The following EPHA6 variants were observed in gnomAD, a reference collection of about 807,000 sequenced individuals.
EPHA6 encodes the protein EPH receptor A6.
Under a neutral mutation model 112.0 loss-of-function variants are expected in EPHA6, and 50 were observed. The observed-to-expected ratio is 0.45, with a 90% CI of 0.36 to 0.56. The LOEUF is 0.56. EPHA6 is among the 20% of genes least tolerant of loss of function. The pLI, the probability that EPHA6 is intolerant of heterozygous loss-of-function variation, is 0.00. For synonymous variants in EPHA6, 529 were observed against 490.7 expected (o/e 1.08, Z -1.03); for missense variants, 1,280 against 1,417.4 (o/e 0.90, Z 1.56).
chr3:97,244,776 A>C (rs2078939810), intron 5 of EPHA6: 1 of 156,328 alleles, frequency 6.4e-6, no homozygotes, highest in Non-Finnish European at 1.4e-5. Context: ...AAATTTAGAA[A>C]TGTGTTCAAA....
intron 5 of EPHA6, among the ~76,000 whole-genome samples, chr3:97,354,114 G>T (rs186896843): frequency 2.6e-5 from 4 of 152,108 alleles, no homozygotes; most frequent in African/African-American, 9.7e-5. Flanking sequence ...AGTAACCAAA[G>T]ATTTAGATCA....
chr3:97,122,532 G>GA (rs1345425895), intron 3 of EPHA6, among the ~76,000 whole-genome samples: 3 of 151,810 alleles, frequency 2.0e-5, no homozygotes, highest in Non-Finnish European at 2.9e-5. Context: ...TTAATAGAAA[G>GA]AAAAAAACAC....
At chr3:97,537,297 TAA>T (rs2092777883) in intron 11 of EPHA6, among the ~76,000 whole-genome samples, 1 of 152,120 alleles carries the variant, frequency 6.6e-6, no homozygotes. Flanking sequence ...TAAGGTAGGT[TAA>T]GAGTCTATTG....
intron 2 of EPHA6, among the ~76,000 whole-genome samples, chr3:96,974,700 T>C (rs2042452348): frequency 6.6e-6 from 1 of 152,126 alleles, no homozygotes; most frequent in South Asian, 2.1e-4. Flanking sequence ...GAATCCTTTT[T>C]TTTGGATCAA....
chr3:96,949,712 T>G (rs1219419671), intron 2 of EPHA6, among the ~76,000 whole-genome samples: 1 of 152,106 alleles, frequency 6.6e-6, no homozygotes, highest in Non-Finnish European at 1.5e-5. Context: ...TAAAATCATA[T>G]TTATTTCTCT....
Position 96,815,025 on chromosome 3 carries a change from AGGAGCG to A in EPHA6, c.385+22_385+27del. ...ACAACCAAGGTAAGGGACGGGGCGG[AGGAGCG>A]GGAGTGGGTGGGAGGAGGAGGGTGC... On this transcript the variant is annotated intron_variant, in intron 1 of 17. Transcript: ENST00000389672. 6.7e-7 allele frequency: 1 copy of A among 1,489,712 alleles called. No homozygotes were observed. The highest frequency in any genetic ancestry group is 1.4e-5 in the African/African-American group (1 of 71,414). 92.3% of individuals were successfully genotyped at this position (1,489,712 alleles called of 1,614,324 possible). A position where few individuals can be genotyped will look rare whatever the true frequency, so the allele number is the denominator to read the frequency against.
At chr3:97,546,160 T>G (rs926812769) in intron 11 of EPHA6, among the ~76,000 whole-genome samples, 3 of 152,186 alleles carry the variant, frequency 2.0e-5, no homozygotes, top group African/African-American at 7.2e-5. Context: ...TTCCTAGCCT[T>G]GATGGTCTTT....
chr3:97,322,603 TA>T (rs769028920), intron 5 of EPHA6, among the ~76,000 whole-genome samples: 7 of 152,086 alleles, frequency 4.6e-5, no homozygotes, highest in Non-Finnish European at 1.0e-4. Context: ...TATCATTTAT[TA>T]ATGAAACATT....
intron 13 of EPHA6, among the ~76,000 whole-genome samples, chr3:97,637,294 A>G (rs1241381192): frequency 1.3e-5 from 2 of 152,140 alleles, no homozygotes; most frequent in Admixed American, 6.5e-5. Flanking sequence ...TAATGAAAAA[A>G]ATGGAAAACT....
At chr3:97,105,293 T>C (rs1329841014) in intron 3 of EPHA6, among the ~76,000 whole-genome samples, 1 of 152,142 alleles carries the variant, frequency 6.6e-6, no homozygotes, top group Non-Finnish European at 1.5e-5. Context: ...CTCTTAACAC[T>C]GTCTTAGCCC....
At chr3:97,286,603 C>T (rs1204931906) in intron 5 of EPHA6, among the ~76,000 whole-genome samples, 1 of 151,218 alleles carries the variant, frequency 6.6e-6, no homozygotes, top group African/African-American at 2.4e-5. Flanking sequence ...ATGTGTTTGT[C>T]CTTACACCAA....
chr3:96,941,142 G>A (rs1312024065), intron 2 of EPHA6, among the ~76,000 whole-genome samples: 4 of 152,028 alleles, frequency 2.6e-5, no homozygotes. Flanking sequence ...CTAAATGTTG[G>A]CCTGCCTTGC....
chr3:97,120,105 A>G (rs945666368), intron 3 of EPHA6, among the ~76,000 whole-genome samples: 2 of 151,978 alleles, frequency 1.3e-5, no homozygotes, highest in African/African-American at 4.8e-5. Flanking sequence ...TACTGATTTG[A>G]AGCTCAGGTT....
chr3:97,470,671 T>C (rs1277211614), intron 7 of EPHA6, among the ~76,000 whole-genome samples: 1 of 151,516 alleles, frequency 6.6e-6, no homozygotes, highest in Non-Finnish European at 1.5e-5. Flanking sequence ...ATTTCACTTT[T>C]TTTTTCTTTA....
chr3:97,720,891 G>A (rs762404522), intron 15 of EPHA6, among the ~76,000 whole-genome samples: 1 of 152,092 alleles, frequency 6.6e-6, no homozygotes, highest in Non-Finnish European at 1.5e-5. Context: ...GACCCCTAAT[G>A]CAAACTGTTT....
At chr3:97,259,605 G>C (rs577472066) in intron 5 of EPHA6, among the ~76,000 whole-genome samples, 7 of 152,202 alleles carry the variant, frequency 4.6e-5, no homozygotes, top group African/African-American at 1.7e-4. Context: ...ATATAAAGTG[G>C]ATGCTCAGTA....
intron 3 of EPHA6, among the ~76,000 whole-genome samples, chr3:97,098,168 A>G (rs1477267341): frequency 2.0e-5 from 3 of 151,850 alleles, no homozygotes; most frequent in Admixed American, 1.3e-4. Flanking sequence ...GCAATGCGGC[A>G]TATTACACCC....
At chr3:97,680,783 C>G (rs1288465637) in intron 14 of EPHA6, among the ~76,000 whole-genome samples, 1 of 152,196 alleles carries the variant, frequency 6.6e-6, no homozygotes, top group African/African-American at 2.4e-5. Context: ...TGGAAATTCT[C>G]TCTTTGCCAT....
intron 11 of EPHA6, among the ~76,000 whole-genome samples, chr3:97,549,932 A>G (rs1279666786): frequency 1.3e-5 from 2 of 152,242 alleles, no homozygotes; most frequent in Non-Finnish European, 2.9e-5. Context: ...TTCATTACAT[A>G]TGTGAAAATG....
Sources: gnomAD v4.1 joint callset for allele counts (sites outside exome capture counted in the v4.1 genomes callset) on GRCh38, gnomAD v4.1.1 for gene constraint, MANE v1.5 for transcripts, NCBI Gene and HGNC (gene_info 2026-07-23, HGNC 2026-07-21) for gene names.